ZNF407: variants seen among roughly 807,000 people sequenced by gnomAD.
The protein encoded by ZNF407 is zinc finger protein 407.
ZNF407 carries 17 observed loss-of-function variants against 131.2 expected under a neutral mutation model. The observed-to-expected ratio is 0.13, with a 90% CI of 0.09 to 0.19. The LOEUF (loss-of-function observed/expected upper bound fraction) is 0.19, where lower values mean the gene tolerates loss of function less well. Ranked by LOEUF, ZNF407 falls within the 10% of genes least tolerant of loss-of-function variation. ZNF407 has a pLI of 1.00. For synonymous variants in ZNF407, 1,156 were observed against 1,062.0 expected (o/e 1.09, Z -1.72); for missense variants, 2,681 against 2,830.6 (o/e 0.95, Z 1.20).
At chr18:74,650,968 A>T (rs1244729103) in intron 3 of ZNF407, among the ~76,000 whole-genome samples, 2 of 151,962 alleles carry the variant, frequency 1.3e-5, no homozygotes, top group East Asian at 1.9e-4. Context: ...TATAAATATA[A>T]TATTTCCCCC....
intron 8 of ZNF407, among the ~76,000 whole-genome samples, chr18:74,980,369 G>A (rs1042360766): frequency 6.3e-4 from 96 of 151,446 alleles, no homozygotes; most frequent in African/African-American, 2.0e-3. Flanking sequence ...GTGCAACGGC[G>A]TGACCTCAGC....
chr18:74,691,258 G>A (rs753404216), intron 3 of ZNF407, among the ~76,000 whole-genome samples: 16 of 151,340 alleles, frequency 1.1e-4, no homozygotes, highest in African/African-American at 2.7e-4. Context: ...CAGCCTGGGC[G>A]ACAAGAGCAA....
chr18:74,969,778 A>G (rs1972451284), intron 8 of ZNF407, among the ~76,000 whole-genome samples: 1 of 152,040 alleles, frequency 6.6e-6, no homozygotes, highest in African/African-American at 2.4e-5. Flanking sequence ...TATACTGCTT[A>G]TTTTTCAACC....
chr18:74,838,491 C>T (rs992254456), intron 4 of ZNF407, among the ~76,000 whole-genome samples: 5 of 152,128 alleles, frequency 3.3e-5, no homozygotes, highest in Admixed American at 2.6e-4. Flanking sequence ...TTCATTTCCC[C>T]CTCTCTTTTC....
rs564461375 is a variant in ZNF407 at position 75,053,907 on chromosome 18, G to A, written c.5429-9243G>A. Among the ~76,000 whole-genome samples the A allele has an allele frequency of 2.4e-4, 37 of 152,336 alleles. 2 individuals are homozygous for A. The South Asian group carries it at 7.5e-3, about 31-fold the overall frequency. ...GACTTGCTCCGCGGTGACAGCTCCT[G>A]AGGCTTTGCTTCCCCCGCACCTGGC... On this transcript the variant is annotated intron_variant, in intron 8 of 8. Coordinates refer to ENST00000299687, the MANE Select transcript of ZNF407 (RefSeq NM_017757.3).
chr18:74,721,819 A>C (rs1968043457), intron 3 of ZNF407, among the ~76,000 whole-genome samples: 2 of 152,014 alleles, frequency 1.3e-5, no homozygotes, highest in South Asian at 4.1e-4. Context: ...TGTTAATATG[A>C]ATTTTCTCCA....
chr18:74,952,003 A>G (rs908083159), intron 8 of ZNF407, among the ~76,000 whole-genome samples: 10 of 152,334 alleles, frequency 6.6e-5, no homozygotes, highest in African/African-American at 2.4e-4. Flanking sequence ...TCCCTGGCAC[A>G]GCTCTATGAA....
intron 3 of ZNF407, among the ~76,000 whole-genome samples, chr18:74,777,416 A>T (rs1233619680): frequency 6.6e-6 from 1 of 152,118 alleles, no homozygotes; most frequent in Non-Finnish European, 1.5e-5. Flanking sequence ...CTTGAGCAAG[A>T]GCAGTTCTAG....
chr18:74,633,203 T>C lies in ZNF407; in HGVS notation c.2184T>C (p.His728=), dbSNP rs1006976882. The change falls in exon 2 of 9, where the codon CAT becomes CAC. Residue 728 remains histidine (H), a synonymous_variant. Coordinates refer to ENST00000299687, the MANE Select transcript of ZNF407 (RefSeq NM_017757.3). ...TCACGAGACATATAAAGCTTCGGCATGGTCAAGACTATCATTTTCTTTGTA... is the reference window on the plus strand; with the variant it reads ...TCACGAGACATATAAAGCTTCGGCACGGTCAAGACTATCATTTTCTTTGTA... ...TVLTRHIKLR[H]GQDYHFLCKA... The C allele has an allele frequency of 1.2e-6, 2 of 1,613,750 alleles. No homozygotes were observed. The highest frequency in any genetic ancestry group is 1.3e-5 in the African/African-American group (1 of 74,932).
intron 3 of ZNF407, among the ~76,000 whole-genome samples, chr18:74,708,652 G>A (rs1281701256): frequency 1.3e-5 from 2 of 152,174 alleles, no homozygotes; most frequent in Non-Finnish European, 2.9e-5. Flanking sequence ...CTTTCTGGGG[G>A]AGCAGCCTGG....
chr18:74,694,636 G>T (rs955335547), intron 3 of ZNF407, among the ~76,000 whole-genome samples: 1 of 152,012 alleles, frequency 6.6e-6, no homozygotes, highest in Non-Finnish European at 1.5e-5. Context: ...CTGTGCTCTG[G>T]CATGGGTCCC....
chr18:74,634,598 C>T lies in ZNF407; in HGVS notation c.3579C>T (p.Gly1193=). 1.2e-6 allele frequency: 2 copies of T among 1,613,890 alleles called. No individual in the cohort carries two copies. Among genetic ancestry groups the T allele is most frequent in the South Asian group, 1.1e-5 (1 of 91,082 alleles). ...CACTTACTATGTCCTCAAACTATGG[C>T]TCCCCAAGCAGATTTCAAAATGAAA... ...MMSLTMSSNY[G]SPSRFQNENS... is the part of the protein sequence containing the mutation. Residue 1193 remains glycine (G), a synonymous_variant, in exon 2 of 9, where the codon GGC becomes GGT. Transcript: ENST00000299687.
chr18:74,958,506 C>T (rs1389640865), intron 8 of ZNF407, among the ~76,000 whole-genome samples: 3 of 151,270 alleles, frequency 2.0e-5, no homozygotes, highest in Non-Finnish European at 2.9e-5. Flanking sequence ...TGATGAGGAG[C>T]CCGCCGTGCA....
At chr18:74,682,324 A>G (rs937001065) in intron 3 of ZNF407, among the ~76,000 whole-genome samples, 3 of 152,202 alleles carry the variant, frequency 2.0e-5, no homozygotes, top group African/African-American at 4.8e-5. Context: ...CAGAAAATCA[A>G]GGGAGTGGTG....
At chr18:74,813,539 G>A (rs1001425532) in intron 4 of ZNF407, among the ~76,000 whole-genome samples, 1 of 152,136 alleles carries the variant, frequency 6.6e-6, no homozygotes, top group African/African-American at 2.4e-5. Flanking sequence ...GGTTCCTCCA[G>A]TTTCTACTCT....
intron 8 of ZNF407, among the ~76,000 whole-genome samples, chr18:75,052,794 T>A (rs2122268851): frequency 6.6e-6 from 1 of 152,330 alleles, no homozygotes; most frequent in East Asian, 1.9e-4. Context: ...TACACAGCTT[T>A]GCTACTGCTT....
At chr18:74,982,389 C>T (rs1642232215) in intron 8 of ZNF407, among the ~76,000 whole-genome samples, 1 of 152,198 alleles carries the variant, frequency 6.6e-6, no homozygotes, top group Non-Finnish European at 1.5e-5. Context: ...ATGAAATTAA[C>T]TTACCTCCTT....
intron 3 of ZNF407, among the ~76,000 whole-genome samples, chr18:74,734,279 A>G (rs900066969): frequency 6.6e-6 from 1 of 152,204 alleles, no homozygotes; most frequent in African/African-American, 2.4e-5. Flanking sequence ...GGTCCTGTCC[A>G]TCACCTCACA....
At chr18:74,953,689 A>G (rs1324731323) in intron 8 of ZNF407, among the ~76,000 whole-genome samples, 1 of 152,248 alleles carries the variant, frequency 6.6e-6, no homozygotes, top group African/African-American at 2.4e-5. Flanking sequence ...ATGTAAATAT[A>G]GTTGCATATA....
Sources: gnomAD v4.1 joint callset for allele counts (sites outside exome capture counted in the v4.1 genomes callset) on GRCh38, gnomAD v4.1.1 for gene constraint, MANE v1.5 for transcripts, NCBI Gene and HGNC (gene_info 2026-07-23, HGNC 2026-07-21) for gene names.